Variants in DPH3 observed in about 807,000 individuals in gnomAD.
DPH3 encodes diphthamide biosynthesis 3.
A neutral mutation model predicts 10.2 loss-of-function variants in DPH3; 8 were observed. The ratio of observed to expected loss-of-function variants is 0.79; its 90% CI spans 0.46 to 1.42. The LOEUF (loss-of-function observed/expected upper bound fraction) is 1.42. Ranked by LOEUF, DPH3 falls within the 40% of genes most tolerant of loss-of-function variation. The pLI is 0.00. For missense variants in DPH3, 96 were observed against 98.9 expected, an observed-to-expected ratio of 0.97 and a Z score of 0.12; for synonymous variants, 35 against 35.6, an observed-to-expected ratio of 0.98 and a Z score of 0.06.
rs1208585820 is a variant in DPH3, at chr3:16,258,068, T to G, written c.*2696A>C. ...TGCAGTTATAAAAAATGTTGGGTAC[T>G]TTTTCCAAGAAAAATGTTTCTGAAT... On this transcript the variant is annotated 3_prime_UTR_variant, in exon 3 of 3. Coordinates refer to ENST00000488423, the MANE Select transcript of DPH3 (RefSeq NM_206831.3). 6.6e-6 allele frequency: 1 copy of G among 152,224 alleles called. No individual in the cohort carries two copies. Among genetic ancestry groups the G allele is most frequent in the Non-Finnish European group, 1.5e-5 (1 of 68,026 alleles). The allele number at this position is 152,224 out of a possible 1,614,324, so 9.4% of individuals were successfully genotyped here. A position where few individuals can be genotyped will look rare whatever the true frequency, so the allele number is the denominator to read the frequency against.
chr3:16,260,738 C>G lies in DPH3; in HGVS notation c.*26G>C, dbSNP rs374142969. 4.1e-5 allele frequency: 66 copies of G among 1,600,508 alleles called. No homozygotes were observed. Among genetic ancestry groups the G allele is most frequent in the Non-Finnish European group, 5.6e-5 (65 of 1,168,858 alleles). ...TCTATCTGGGCTCATTCCAAATGTT[C>G]AGGATTTGGATTCCTGAAGGCTTCT... On this transcript the variant is annotated 3_prime_UTR_variant, in exon 3 of 3. Transcript: ENST00000488423.
rs2064284707 is a variant in DPH3, at chr3:16,260,376, A to G, written c.*388T>C. 6.0e-6 allele frequency: 1 copy of G among 167,588 alleles called. No individual in the cohort carries two copies. Among genetic ancestry groups the G allele is most frequent in the Non-Finnish European group, 1.3e-5 (1 of 77,954 alleles). The allele number at this position is 167,588 out of a possible 1,614,324, so 10.4% of individuals were successfully genotyped here. A position where few individuals can be genotyped will look rare whatever the true frequency, so the allele number is the denominator to read the frequency against. On this transcript the variant is annotated 3_prime_UTR_variant, in exon 3 of 3. Coordinates refer to ENST00000488423, the MANE Select transcript of DPH3 (RefSeq NM_206831.3). ...AGGGCTAATTTTAATAATCTTAATAACCAAGTCAAAAATACAATCTCTTTT... is the reference window on the plus strand; with the variant it reads ...AGGGCTAATTTTAATAATCTTAATAGCCAAGTCAAAAATACAATCTCTTTT...
In DPH3 at chr3:16,259,227, C is replaced by T. The variant is rs2064275986; in HGVS notation, c.*1537G>A. The T allele has an allele frequency of 6.6e-6, 1 of 152,194 alleles. No homozygotes were observed. The highest frequency in any genetic ancestry group is 1.5e-5 in the Non-Finnish European group (1 of 68,034). The allele number at this position is 152,194 out of a possible 1,614,324, so 9.4% of individuals were successfully genotyped here. ...GGATTACTTCTGGGATGTCAGTGTC[C>T]CAAATGGCAATGAGATTTCTCATCA... On this transcript the variant is annotated 3_prime_UTR_variant, in exon 3 of 3. Coordinates refer to ENST00000488423, the MANE Select transcript of DPH3 (RefSeq NM_206831.3).
chr3:16,264,825 C>G lies in DPH3; in HGVS notation c.52G>C (p.Asp18His), dbSNP rs1353361500. ...VEIEDFQYDEDSETYFYPCPC... is the reference protein window; with the variant it reads ...VEIEDFQYDEHSETYFYPCPC... ...CAGGGATAGAAATACGTCTCCGAGT[C>G]CTCGTCATATTGGAAGTCCTCGATT... Residue 18 changes from aspartate (D) to histidine (H), a missense_variant, in exon 1 of 3, where the codon GAC (aspartate) becomes CAC (histidine). Asp to His is a moderately conservative substitution (Grantham distance 81). Coordinates refer to ENST00000488423, the MANE Select transcript of DPH3 (RefSeq NM_206831.3). The G allele has an allele frequency of 6.2e-7, 1 of 1,614,102 alleles. No individual in the cohort carries two copies. Among genetic ancestry groups the G allele is most frequent in the South Asian group, 1.1e-5 (1 of 91,092 alleles).
Position 16,262,675 on chromosome 3 carries a change from C to T in DPH3, c.183+1480G>A, listed in dbSNP as rs2064300312. 6.6e-6 allele frequency among the ~76,000 whole-genome samples: 1 copy of T among 152,234 alleles called. No homozygotes were observed. Among genetic ancestry groups the T allele is most frequent in the South Asian group, 2.1e-4 (1 of 4,824 alleles). ...ATTGACATTGCTAGCCAATCTCTCT[C>T]ATGAACGCCAGACATGCATATCCAA... On this transcript the variant is annotated intron_variant, in intron 2 of 2. Transcript: ENST00000488423. The surrounding 1 kb of genome is among the most constrained non-coding windows in gnomAD (Gnocchi z 4.7).
chr3:16,262,744 A>G lies in DPH3; in HGVS notation c.183+1411T>C, dbSNP rs145022705. Among the ~76,000 whole-genome samples, 3 of 152,164 alleles carry G rather than the reference A, an allele frequency of 2.0e-5. No homozygotes were observed. The highest frequency in any genetic ancestry group is 2.9e-5 in the Non-Finnish European group (2 of 68,024). ...AACTTGGATGACAGACCTCTCACTTAGTATGTACAATTTCAACCCCTATAC... is the reference window on the plus strand; with the variant it reads ...AACTTGGATGACAGACCTCTCACTTGGTATGTACAATTTCAACCCCTATAC... On this transcript the variant is annotated intron_variant, in intron 2 of 2. Transcript: ENST00000488423. The surrounding 1 kb of genome is among the most constrained non-coding windows in gnomAD (Gnocchi z 4.7).
chr3:16,264,600 G>A (rs1274482410), intron 1 of DPH3, 169 bp downstream of exon 1: 1 of 673,914 alleles, frequency 1.5e-6, no homozygotes. Context: ...CCTACCGAGA[G>A]AGCTCAGGGC....
chr3:16,264,290 A>G (rs1441762123), intron 1 of DPH3, 61 bp from the exon 2 acceptor site: 2 of 1,353,288 alleles, frequency 1.5e-6, no homozygotes, highest in African/African-American at 1.5e-5. Flanking sequence ...TCCTCCCCCA[A>G]ACCTATCCCA....
chr3:16,263,270 C>G lies in DPH3; in HGVS notation c.183+885G>C, dbSNP rs889214243. 6.6e-6 allele frequency among the ~76,000 whole-genome samples: 1 copy of G among 152,110 alleles called. No homozygotes were observed. Among genetic ancestry groups the G allele is most frequent in the Non-Finnish European group, 1.5e-5 (1 of 68,016 alleles). ...GTCCCCTTCACTGAACGATCCTTTG[C>G]TCGACTCTCTTACCTCATACCCTCA... On this transcript the variant is annotated intron_variant, in intron 2 of 2. Transcript: ENST00000488423. This position sits in a 1 kb window ranked among gnomAD's most constrained non-coding sequence, Gnocchi z 4.0.
rs2064286993 is a variant in DPH3, at chr3:16,260,739, A to C, written c.*25T>G. 6.2e-7 allele frequency: 1 copy of C among 1,605,814 alleles called. No homozygotes were observed. The highest frequency in any genetic ancestry group is 1.3e-5 in the African/African-American group (1 of 74,884). On this transcript the variant is annotated 3_prime_UTR_variant, in exon 3 of 3. Transcript: ENST00000488423. The stretch of plus-strand genomic sequence containing the variant: ...CTATCTGGGCTCATTCCAAATGTTC[A>C]GGATTTGGATTCCTGAAGGCTTCTT...
chr3:16,260,911 C>CGCTGGATTGATGCTGT, intron 2 of DPH3, 82 bp from the exon 3 acceptor site: 1 of 1,277,518 alleles, frequency 7.8e-7, no homozygotes, highest in Non-Finnish European at 1.1e-6. Flanking sequence ...TTTGTTACAG[C>CGCTGGATTGATGCTGT]ATCAATCCAG....
rs1298385412 is a variant in DPH3 at position 16,258,794 on chromosome 3, T to C, written c.*1970A>G. 1 of 152,214 alleles carries C rather than the reference T, an allele frequency of 6.6e-6. No homozygotes were observed. The highest frequency in any genetic ancestry group is 1.5e-5 in the Non-Finnish European group (1 of 68,022). The allele number at this position is 152,214 out of a possible 1,614,324, so 9.4% of individuals were successfully genotyped here. A position where few individuals can be genotyped will look rare whatever the true frequency, so the allele number is the denominator to read the frequency against. On this transcript the variant is annotated 3_prime_UTR_variant, in exon 3 of 3. Transcript: ENST00000488423. ...CTTAACACAGGATTCAATCTTGATG[T>C]GTTCTCCTACAGTTCACAAACTTAG... is the stretch of plus-strand genomic sequence containing the variant.
chr3:16,264,176 A>C lies in DPH3; in HGVS notation c.162T>G (p.Ile54Met). 6.2e-7 allele frequency: 1 copy of C among 1,610,992 alleles called. No individual in the cohort carries two copies. Among genetic ancestry groups the C allele is most frequent in the Non-Finnish European group, 8.5e-7 (1 of 1,177,986 alleles). Residue 54 changes from isoleucine (I) to methionine (M), a missense_variant, in exon 2 of 3, where the codon ATT becomes ATG. Transcript: ENST00000488423. ...TTACTTTGTCATAAATCACTTTTAT[A>C]ATGAGAGAGCAGCTAGGACACGTTG... ...DVATCPSCSL[I>M]IKVIYDKDQF...
At position 16,258,518 on chromosome 3, in the gene DPH3, GC is replaced by G. The variant is rs2124930494; in HGVS notation, c.*2245del. The G allele has an allele frequency of 1.3e-5, 2 of 152,354 alleles. No homozygotes were observed. Among genetic ancestry groups the G allele is most frequent in the South Asian group, 4.1e-4 (2 of 4,822 alleles). The allele number at this position is 152,354 out of a possible 1,614,324, so 9.4% of individuals were successfully genotyped here. ...CTTTATTTTTTAGGCATGAGGTCTT[GC>G]CCTGTCACACAGGCTGGAACGCAGT... is the stretch of plus-strand genomic sequence containing the variant. On this transcript the variant is annotated 3_prime_UTR_variant, in exon 3 of 3. Coordinates refer to ENST00000488423, the MANE Select transcript of DPH3 (RefSeq NM_206831.3).
At chr3:16,264,641 G>A (rs1010190659) in intron 1 of DPH3, 128 bp downstream of exon 1, 8 of 899,436 alleles carry the variant, frequency 8.9e-6, no homozygotes, top group Non-Finnish European at 1.4e-5. Context: ...GCGGGAGGAG[G>A]AAGATTCAGC....
Position 16,260,650 on chromosome 3 carries a change from C to T in DPH3, c.*114G>A. 1.0e-5 allele frequency: 9 copies of T among 903,922 alleles called. No individual in the cohort carries two copies. The South Asian group carries it at 1.5e-4, about 15-fold the overall frequency. 56.0% of individuals were successfully genotyped at this position (903,922 alleles called of 1,614,324 possible). A position where few individuals can be genotyped will look rare whatever the true frequency, so the allele number is the denominator to read the frequency against. On this transcript the variant is annotated 3_prime_UTR_variant, in exon 3 of 3. Transcript: ENST00000488423. ...GCAGTTGATAGAAAGAATCCACACT[C>T]TTACAGAACAGCAAATCATAAATGG... is the stretch of plus-strand genomic sequence containing the variant.
rs1331893638 is a variant in DPH3 at position 16,257,893 on chromosome 3, C to T, written c.*2871G>A. On this transcript the variant is annotated 3_prime_UTR_variant, in exon 3 of 3. Transcript: ENST00000488423. ...AAAGTCTATTAACAATACCCCAAAGCAGTTAAGATTTCTACCTCATATAAA... is the reference window on the plus strand; with the variant it reads ...AAAGTCTATTAACAATACCCCAAAGTAGTTAAGATTTCTACCTCATATAAA... 6.6e-6 allele frequency: 1 copy of T among 152,146 alleles called. No individual in the cohort carries two copies. The highest frequency in any genetic ancestry group is 1.5e-5 in the Non-Finnish European group (1 of 68,022). The allele number at this position is 152,146 out of a possible 1,614,324, so 9.4% of individuals were successfully genotyped here.
Position 16,257,644 on chromosome 3 carries a change from T to A in DPH3, c.*3120A>T, listed in dbSNP as rs1332224208. ...ACAGTGGAGGAACTAAGATTCAAAT[T>A]GTCTTCTGACCAGAGCTGGGCTCTG... On this transcript the variant is annotated 3_prime_UTR_variant, in exon 3 of 3. Transcript: ENST00000488423. Among the ~76,000 whole-genome samples, 2 of 152,238 alleles carry A rather than the reference T, an allele frequency of 1.3e-5. No homozygotes were observed. The highest frequency in any genetic ancestry group is 4.8e-5 in the African/African-American group (2 of 41,474).
At chr3:16,264,413 G>T in intron 1 of DPH3, 184 bp from the exon 2 acceptor site, 1 of 536,490 alleles carries the variant, frequency 1.9e-6, no homozygotes, top group Admixed American at 3.3e-5. Flanking sequence ...TCACTTAGGG[G>T]AAACACCTAG....
Sources: gnomAD v4.1 joint callset for allele counts (sites outside exome capture counted in the v4.1 genomes callset) on GRCh38, gnomAD v4.1.1 for gene constraint, Gnocchi (gnomAD v3.1) non-coding constraint, MANE v1.5 for transcripts, NCBI Gene and HGNC (gene_info 2026-07-23, HGNC 2026-07-21) for gene names.